RAPGEF2: variants seen among roughly 807,000 people sequenced by gnomAD.
The protein encoded by RAPGEF2 is Rap guanine nucleotide exchange factor 2, also known as PDZ domain containing guanine nucleotide exchange factor (GEF) 1.
Under a neutral mutation model 186.7 loss-of-function variants are expected in RAPGEF2, and 54 were observed. The observed-to-expected ratio is 0.29, with a 90% confidence interval of 0.23 to 0.36. RAPGEF2 has a LOEUF of 0.36. Among genes scored for constraint, RAPGEF2 ranks in the 10% least tolerant of loss-of-function variants. The probability of loss-of-function intolerance (pLI) is 1.00; values close to 1 mark genes in which losing one functional copy is unlikely to be tolerated. For missense variants in RAPGEF2, 1,532 were observed against 2,045.0 expected, an observed-to-expected ratio of 0.75 and a Z score of 4.84; for synonymous variants, 712 against 705.9, an observed-to-expected ratio of 1.01 and a Z score of -0.14.
intron 1 of RAPGEF2, among the ~76,000 whole-genome samples, chr4:159,112,101 C>T (rs1738560755): frequency 6.6e-6 from 1 of 152,178 alleles, no homozygotes; most frequent in Non-Finnish European, 1.5e-5. Flanking sequence ...ATTGACTCCC[C>T]TCCCCCTGCG....
chr4:159,335,796 A>C (rs186322883), intron 17 of RAPGEF2, among the ~76,000 whole-genome samples: 319 of 145,816 alleles, frequency 2.2e-3, no homozygotes, highest in African/African-American at 7.5e-3. Context: ...AGATTGTGCC[A>C]CTGCATTACA....
At chr4:159,276,305 T>C (rs911575787) in intron 7 of RAPGEF2, among the ~76,000 whole-genome samples, 8 of 152,226 alleles carry the variant, frequency 5.3e-5, no homozygotes, top group Admixed American at 5.2e-4. Context: ...ACTTGTTTTC[T>C]TAAAAGTATA....
intron 17 of RAPGEF2, 127 bp downstream of exon 17, chr4:159,332,824 G>A (rs1766871506): frequency 5.2e-6 from 6 of 1,163,774 alleles, no homozygotes; most frequent in African/African-American, 4.7e-5. Context: ...GAGCTATTTT[G>A]GAAGCAGTAT....
At chr4:159,149,067 A>G (rs530972432) in intron 1 of RAPGEF2, among the ~76,000 whole-genome samples, 122 of 152,290 alleles carry the variant, frequency 8.0e-4, no homozygotes, top group Non-Finnish European at 1.5e-3. Context: ...CCCAAAATCA[A>G]TTGACTTGAC....
chr4:159,304,896 G>A (rs1006426800), intron 8 of RAPGEF2, among the ~76,000 whole-genome samples: 14 of 152,074 alleles, frequency 9.2e-5, no homozygotes, highest in South Asian at 2.1e-4. Flanking sequence ...GCATCCATGT[G>A]TAAACATTAT....
chr4:159,199,245 T>C (rs1244737638), intron 3 of RAPGEF2, among the ~76,000 whole-genome samples: 1 of 152,218 alleles, frequency 6.6e-6, no homozygotes, highest in Non-Finnish European at 1.5e-5. Context: ...AGGACTGTTT[T>C]ATGTACATAC....
chr4:159,294,422 T>C (rs1761644151), intron 7 of RAPGEF2, among the ~76,000 whole-genome samples: 1 of 152,190 alleles, frequency 6.6e-6, no homozygotes. Context: ...GGATTGCCGC[T>C]TCCATAGCAT....
intron 1 of RAPGEF2, among the ~76,000 whole-genome samples, chr4:159,127,103 T>C (rs1320056369): frequency 4.6e-5 from 7 of 152,238 alleles, no homozygotes; most frequent in Non-Finnish European, 1.5e-5. Context: ...CTTGGCTCAC[T>C]ACAACCTCCG....
intron 5 of RAPGEF2, among the ~76,000 whole-genome samples, chr4:159,240,348 T>TTTTTC: frequency 6.8e-6 from 1 of 146,378 alleles, no homozygotes; most frequent in Non-Finnish European, 1.5e-5. Context: ...TTTTTTTTTT[T>TTTTTC]TTGGAGACGG....
intron 1 of RAPGEF2, among the ~76,000 whole-genome samples, chr4:159,114,973 A>T (rs1738886541): frequency 6.6e-6 from 1 of 152,162 alleles, no homozygotes; most frequent in South Asian, 2.1e-4. Context: ...AGATGTCTTA[A>T]AAGGACTTTA....
intron 7 of RAPGEF2, among the ~76,000 whole-genome samples, chr4:159,281,738 A>AT (rs937948197): frequency 6.6e-6 from 1 of 151,388 alleles, no homozygotes; most frequent in African/African-American, 2.4e-5. Context: ...AATTAAAATT[A>AT]TTTTATTAAG....
At chr4:159,255,670 T>C (rs1756073107) in intron 7 of RAPGEF2, among the ~76,000 whole-genome samples, 1 of 152,198 alleles carries the variant, frequency 6.6e-6, no homozygotes, top group East Asian at 1.9e-4. Flanking sequence ...GGGGTCACCA[T>C]AGGTTCTTGC....
At chr4:159,280,220 AAGG>A (rs1759508851) in intron 7 of RAPGEF2, among the ~76,000 whole-genome samples, 1 of 152,206 alleles carries the variant, frequency 6.6e-6, no homozygotes, top group Non-Finnish European at 1.5e-5. Context: ...TAGCCGGATG[AAGG>A]AGTTTTCTCA....
chr4:159,116,494 G>A (rs1344400997), intron 1 of RAPGEF2, among the ~76,000 whole-genome samples: 5 of 152,044 alleles, frequency 3.3e-5, no homozygotes, highest in South Asian at 2.1e-4. Flanking sequence ...TGTGGAAGAC[G>A]GTGTGGTGAT....
intron 1 of RAPGEF2, among the ~76,000 whole-genome samples, chr4:159,150,773 G>A (rs6536394): frequency 0.57 from 86,214 of 151,998 alleles, 24,590 homozygotes; most frequent in Admixed American, 0.61. Flanking sequence ...GCAAATTCAC[G>A]AATACGGAAT....
chr4:159,267,033 G>A (rs917160836), intron 7 of RAPGEF2: 3 of 448,636 alleles, frequency 6.7e-6, no homozygotes, highest in East Asian at 7.4e-5. Flanking sequence ...AGGAGGGGGC[G>A]AGTCTTAAGG....
intron 4 of RAPGEF2, among the ~76,000 whole-genome samples, chr4:159,237,220 C>A (rs1753373911): frequency 6.6e-6 from 1 of 152,042 alleles, no homozygotes; most frequent in African/African-American, 2.4e-5. Flanking sequence ...GGGGTTTCAC[C>A]ATGTTGCCCA....
chr4:159,356,436 A>G (rs1013801689), intron 29 of RAPGEF2, among the ~76,000 whole-genome samples: 4 of 151,666 alleles, frequency 2.6e-5, no homozygotes, highest in South Asian at 4.1e-4. Flanking sequence ...TTCTTCTCCA[A>G]TTCTCACTAA....
chr4:159,331,744 G>C lies in RAPGEF2; in HGVS notation c.1690G>C (p.Gly564Arg), dbSNP rs1264984188. The C allele has an allele frequency of 6.2e-7, 1 of 1,613,862 alleles. No homozygotes were observed. The highest frequency in any genetic ancestry group is 1.3e-5 in the African/African-American group (1 of 74,872). Residue 564 changes from glycine (G) to arginine (R), a missense_variant, in exon 15 of 30, where the codon GGA becomes CGA. By Grantham distance (125) the Gly-to-Arg change is moderately radical. Coordinates refer to ENST00000691494, the MANE Select transcript of RAPGEF2 (RefSeq NM_001394067.2). Reference sequence around the variant, plus strand: ...AGCTCCTTTGCCTTTTATCTTACTTGGAGGCTCTGAGAAGGGATTTGGAAT... The same window carrying C: ...AGCTCCTTTGCCTTTTATCTTACTTCGAGGCTCTGAGAAGGGATTTGGAAT... ...REAPLPFILL[G>R]GSEKGFGIFV...
Sources: allele counts gnomAD v4.1 joint callset (sites outside exome capture counted in the v4.1 genomes callset), GRCh38; gene constraint gnomAD v4.1.1; transcripts MANE v1.5; gene names NCBI Gene and HGNC (gene_info 2026-07-23, HGNC 2026-07-21).